SESTD1: variants seen among roughly 807,000 people sequenced by gnomAD.
SESTD1 encodes SEC14 domain and spectrin repeat-containing protein 1.
In SESTD1, 43 loss-of-function variants were observed where a neutral mutation model predicts 101.7. That is an observed-to-expected ratio of 0.42 (90% confidence interval 0.33 to 0.55). SESTD1 has a LOEUF of 0.55. Among genes scored for constraint, SESTD1 ranks in the 20% least tolerant of loss-of-function variants. The pLI, the probability that SESTD1 is intolerant of heterozygous loss-of-function variation, is 0.07. For synonymous variants in SESTD1, 283 were observed against 286.8 expected (o/e 0.99, Z 0.13); for missense variants, 647 against 815.1 (o/e 0.79, Z 2.51).
At chr2:179,156,597 A>G (rs973198563) in intron 5 of SESTD1, among the ~76,000 whole-genome samples, 4 of 152,008 alleles carry the variant, frequency 2.6e-5, no homozygotes, top group East Asian at 1.9e-4. Context: ...ATTTTTTCAT[A>G]TGTTTGTTGG....
At chr2:179,116,495 C>G in intron 15 of SESTD1, 173 bp downstream of exon 15, 1 of 955,890 alleles carries the variant, frequency 1.0e-6, no homozygotes, top group South Asian at 1.4e-5. Flanking sequence ...TAAACCCTCT[C>G]AAGTTTATGC....
At chr2:179,127,813 C>T (rs1437093029) in intron 10 of SESTD1, among the ~76,000 whole-genome samples, 2 of 152,110 alleles carry the variant, frequency 1.3e-5, no homozygotes, top group African/African-American at 2.4e-5. Flanking sequence ...TTTTAAACTA[C>T]ATAGTTTATA....
intron 1 of SESTD1, among the ~76,000 whole-genome samples, chr2:179,254,140 A>G (rs1217856659): frequency 5.3e-5 from 8 of 152,034 alleles, no homozygotes; most frequent in Admixed American, 2.0e-4. Context: ...TTTGAAACAT[A>G]TTAATGTATT....
intron 6 of SESTD1, among the ~76,000 whole-genome samples, chr2:179,149,748 A>C (rs970085250): frequency 6.6e-6 from 1 of 152,242 alleles, no homozygotes; most frequent in Non-Finnish European, 1.5e-5. Flanking sequence ...GTTACAGAAC[A>C]CTTCTTTATG....
In SESTD1 at chr2:179,172,246, G is replaced by A; in HGVS notation, c.256-13C>T. 2 of 1,506,280 alleles carry A rather than the reference G, an allele frequency of 1.3e-6. No individual in the cohort carries two copies. The highest frequency in any genetic ancestry group is 1.8e-6 in the Non-Finnish European group (2 of 1,098,390). The allele number at this position is 1,506,280 out of a possible 1,614,324, so 93.3% of individuals were successfully genotyped here. On this transcript the variant is annotated splice_polypyrimidine_tract_variant and intron_variant, in intron 4 of 17. Transcript: ENST00000428443. ...CTGGAACAACATTCTATAAAATACA[G>A]AAAAATAATTACAAATTACACATGT...
At chr2:179,110,608 T>C (rs2044485742) in intron 17 of SESTD1, among the ~76,000 whole-genome samples, 2 of 152,158 alleles carry the variant, frequency 1.3e-5, no homozygotes, top group South Asian at 4.1e-4. Context: ...AGTTAAATGA[T>C]GTAAGCAAGG....
intron 4 of SESTD1, among the ~76,000 whole-genome samples, chr2:179,174,981 T>C (rs1039042320): frequency 2.0e-5 from 3 of 148,844 alleles, no homozygotes; most frequent in Admixed American, 2.0e-4. Flanking sequence ...GGGATTCTCA[T>C]GATGAAAAGT....
At chr2:179,240,534 C>T (rs960320663) in intron 1 of SESTD1, among the ~76,000 whole-genome samples, 5 of 151,936 alleles carry the variant, frequency 3.3e-5, no homozygotes, top group African/African-American at 1.2e-4. Context: ...GCTGTAAAAC[C>T]GGCAACCTGG....
chr2:179,239,176 A>T (rs1336833849), intron 1 of SESTD1, among the ~76,000 whole-genome samples: 2 of 152,228 alleles, frequency 1.3e-5, no homozygotes, highest in African/African-American at 4.8e-5. Flanking sequence ...TGGATTATAT[A>T]GGATGCTATA....
intron 9 of SESTD1, among the ~76,000 whole-genome samples, chr2:179,138,870 CAAAAAAAAAA>C (rs61703699): frequency 0.017 from 1,115 of 65,586 alleles, 18 homozygotes; most frequent in African/African-American, 0.046. Flanking sequence ...AACCCTGTCT[CAAAAAAAAAA>C]AAAAAAAAAA....
At chr2:179,249,432 T>C (rs1167378432) in intron 1 of SESTD1, among the ~76,000 whole-genome samples, 1 of 152,066 alleles carries the variant, frequency 6.6e-6, no homozygotes, top group Non-Finnish European at 1.5e-5. Context: ...TCCAAAAAAT[T>C]AAATACTTAG....
chr2:179,165,437 G>A (rs1193622095), intron 5 of SESTD1, among the ~76,000 whole-genome samples: 2 of 152,116 alleles, frequency 1.3e-5, no homozygotes, highest in Non-Finnish European at 2.9e-5. Flanking sequence ...GATGTGACAG[G>A]TGCCTCATAA....
intron 1 of SESTD1, among the ~76,000 whole-genome samples, chr2:179,200,881 A>C (rs2046499524): frequency 7.4e-6 from 1 of 134,586 alleles, no homozygotes; most frequent in Admixed American, 7.2e-5. Context: ...TCATGTCTAA[A>C]ACACCAAAAG....
Position 179,123,968 on chromosome 2 carries a change from C to T in SESTD1, c.1168-139G>A, listed in dbSNP as rs1029485886. The stretch of plus-strand genomic sequence containing the variant: ...ACACTGTTACAAGACAAGGACGAAT[C>T]ATTAGAATATGCATTATCTGGAAGA... On this transcript the variant is annotated intron_variant, in intron 11 of 17. Transcript: ENST00000428443. 4.8e-6 allele frequency: 3 copies of T among 621,334 alleles called. No homozygotes were observed. The African/African-American group carries it at 5.5e-5, about 11-fold the overall frequency. 38.5% of individuals were successfully genotyped at this position (621,334 alleles called of 1,614,324 possible).
At chr2:179,110,123 T>G (rs2044475572) in intron 17 of SESTD1, 95 bp from the exon 18 acceptor site, 2 of 1,210,672 alleles carry the variant, frequency 1.7e-6, no homozygotes. Context: ...ATAAAAAATC[T>G]ACATGAGATA....
At chr2:179,165,408 G>A (rs2045817946) in intron 5 of SESTD1, among the ~76,000 whole-genome samples, 1 of 152,156 alleles carries the variant, frequency 6.6e-6, no homozygotes, top group Non-Finnish European at 1.5e-5. Flanking sequence ...CTGAGCAGAT[G>A]CCTATTTAGT....
chr2:179,227,458 T>C (rs937431069), intron 1 of SESTD1, among the ~76,000 whole-genome samples: 2 of 152,120 alleles, frequency 1.3e-5, no homozygotes, highest in African/African-American at 4.8e-5. Context: ...CAGTCAAAAA[T>C]AAGAGTTTTT....
chr2:179,135,403 T>C (rs1013658789), intron 9 of SESTD1, among the ~76,000 whole-genome samples: 2 of 152,180 alleles, frequency 1.3e-5, no homozygotes, highest in Non-Finnish European at 2.9e-5. Flanking sequence ...TTCATTTATG[T>C]TCTAGAGTCT....
chr2:179,249,550 G>A (rs747664872), intron 1 of SESTD1, among the ~76,000 whole-genome samples: 1 of 152,114 alleles, frequency 6.6e-6, no homozygotes, highest in Non-Finnish European at 1.5e-5. Flanking sequence ...CATGTTCATG[G>A]ATTTGCAGAC....
Sources: allele counts gnomAD v4.1 joint callset (sites outside exome capture counted in the v4.1 genomes callset), GRCh38; gene constraint gnomAD v4.1.1; transcripts MANE v1.5; gene names NCBI Gene and HGNC (gene_info 2026-07-23, HGNC 2026-07-21).